EGFR: variants seen among roughly 807,000 people sequenced by gnomAD.
EGFR encodes avian erythroblastic leukemia viral (v-erb-b) oncogene homolog.
A neutral mutation model predicts 143.0 loss-of-function variants in EGFR; 58 were observed. The ratio of observed to expected loss-of-function variants is 0.41; its 90% CI spans 0.33 to 0.50. The LOEUF is 0.50. Ranked by LOEUF, EGFR falls within the 20% of genes least tolerant of loss-of-function variation. EGFR has a pLI of 0.39. For missense variants in EGFR, 1,307 were observed against 1,579.0 expected (o/e 0.83, Z 2.92); for synonymous variants, 613 against 594.4 (o/e 1.03, Z -0.45).
intron 11 of EGFR, among the ~76,000 whole-genome samples, chr7:55,158,850 G>A (rs991888802): frequency 2.0e-5 from 3 of 152,170 alleles, no homozygotes; most frequent in Non-Finnish European, 4.4e-5. Context: ...AATGGTATTG[G>A]TTACAGGCTC....
chr7:55,027,991 AATATATATATATAT>A (rs374300539), intron 1 of EGFR, among the ~76,000 whole-genome samples: 3 of 54,990 alleles, frequency 5.5e-5, no homozygotes, highest in Non-Finnish European at 1.1e-4. Context: ...AAAAAAAAAA[AATATATATATATAT>A]ATATATATAT....
At chr7:55,121,295 G>T (rs1236060971) in intron 1 of EGFR, among the ~76,000 whole-genome samples, 5 of 152,190 alleles carry the variant, frequency 3.3e-5, no homozygotes. Context: ...AGGAAAAGGC[G>T]GCTCTCTTCT....
chr7:55,039,206 A>T (rs1562659875), intron 1 of EGFR, among the ~76,000 whole-genome samples: 1 of 152,246 alleles, frequency 6.6e-6, no homozygotes, highest in African/African-American at 2.4e-5. Context: ...TCAGTTGGTC[A>T]CCTTGCTCAA....
chr7:55,077,164 C>A (rs576256369), intron 1 of EGFR, among the ~76,000 whole-genome samples: 45 of 152,182 alleles, frequency 3.0e-4, no homozygotes, highest in African/African-American at 1.1e-3. Context: ...GATGGTATTT[C>A]GGTCAGATCT....
chr7:55,162,981 G>A (rs947998482), intron 13 of EGFR, among the ~76,000 whole-genome samples: 11 of 152,118 alleles, frequency 7.2e-5, no homozygotes, highest in Non-Finnish European at 1.6e-4. Context: ...TAGTAGAGAC[G>A]GGGTTTCACC....
intron 1 of EGFR, among the ~76,000 whole-genome samples, chr7:55,043,292 C>A (rs1672198288): frequency 6.6e-6 from 1 of 152,124 alleles, no homozygotes; most frequent in African/African-American, 2.4e-5. Context: ...TTTGGAGAAC[C>A]TTTTGGTTGT....
At chr7:55,201,632 C>A (rs892054517) in intron 25 of EGFR, 103 bp from the exon 26 acceptor site, 29 of 1,435,674 alleles carry the variant, frequency 2.0e-5, no homozygotes, top group Non-Finnish European at 2.8e-5. Context: ...AAATTAAACA[C>A]CTTCACAATA....
intron 11 of EGFR, among the ~76,000 whole-genome samples, 180 bp from the exon 12 acceptor site, chr7:55,159,959 G>A (rs1785613883): frequency 6.6e-6 from 1 of 152,214 alleles, no homozygotes; most frequent in Non-Finnish European, 1.5e-5. Context: ...CTTTTGCCTG[G>A]AGGAACTTTA....
chr7:55,022,112 C>A (rs1350664296), intron 1 of EGFR, among the ~76,000 whole-genome samples: 3 of 152,186 alleles, frequency 2.0e-5, no homozygotes, highest in Non-Finnish European at 4.4e-5. Flanking sequence ...TGCCGAGTTC[C>A]TCAGCCCTCT....
At chr7:55,079,394 T>A (rs981991404) in intron 1 of EGFR, among the ~76,000 whole-genome samples, 1 of 152,182 alleles carries the variant, frequency 6.6e-6, no homozygotes, top group Admixed American at 6.5e-5. Context: ...GCTGAAGGTG[T>A]GGTGAGAAGC....
intron 1 of EGFR, among the ~76,000 whole-genome samples, chr7:55,054,957 G>A (rs17172430): frequency 0.16 from 24,500 of 152,136 alleles, 2,511 homozygotes; most frequent in African/African-American, 0.29. Context: ...TCCGTGTGGC[G>A]AGATGCACCC....
chr7:55,049,812 G>A (rs1276475657), intron 1 of EGFR, among the ~76,000 whole-genome samples: 1 of 152,118 alleles, frequency 6.6e-6, no homozygotes, highest in Non-Finnish European at 1.5e-5. Context: ...ATTGCATGGG[G>A]GGCACATTCT....
chr7:55,059,271 G>A (rs1411831782), intron 1 of EGFR, among the ~76,000 whole-genome samples: 1 of 152,194 alleles, frequency 6.6e-6, no homozygotes, highest in Non-Finnish European at 1.5e-5. Context: ...AATAAAGAGT[G>A]AAAGAACTTT....
chr7:55,116,644 C>G (rs750840832), intron 1 of EGFR, among the ~76,000 whole-genome samples: 13 of 152,214 alleles, frequency 8.5e-5, no homozygotes, highest in Non-Finnish European at 1.8e-4. Flanking sequence ...ACCATACCAG[C>G]ACCCTAGAAG....
intron 1 of EGFR, among the ~76,000 whole-genome samples, chr7:55,049,545 A>T (rs376847842): frequency 6.6e-6 from 1 of 151,872 alleles, no homozygotes; most frequent in South Asian, 2.1e-4. Flanking sequence ...ACAGTTGGGG[A>T]TTAGGTGTTC....
intron 1 of EGFR, among the ~76,000 whole-genome samples, chr7:55,082,892 C>G (rs1175054035): frequency 3.3e-5 from 5 of 152,244 alleles, no homozygotes; most frequent in Admixed American, 2.6e-4. Flanking sequence ...CTCTCCCCAG[C>G]CTCTGGTGTT....
chr7:55,072,744 G>A (rs1400409131), intron 1 of EGFR, among the ~76,000 whole-genome samples: 1 of 152,178 alleles, frequency 6.6e-6, no homozygotes, highest in Non-Finnish European at 1.5e-5. Flanking sequence ...TTAACAGTCT[G>A]CTGTTTTGTC....
chr7:55,191,871 C>G lies in EGFR; in HGVS notation c.2622C>G (p.Gly874=). 6.2e-7 allele frequency: 1 copy of G among 1,613,650 alleles called. No homozygotes were observed. Among genetic ancestry groups the G allele is most frequent in the Non-Finnish European group, 8.5e-7 (1 of 1,180,012 alleles). The change falls in exon 21 of 28, where the codon GGC becomes GGG. Residue 874 remains glycine, a synonymous_variant. Coordinates refer to ENST00000275493, the MANE Select transcript of EGFR (RefSeq NM_005228.5). The part of the protein sequence containing the change: ...AEEKEYHAEG[G]KVPIKWMALE... ...AGAAAGAATACCATGCAGAAGGAGG[C>G]AAAGTAAGGAGGTGGCTTTAGGTCA...
At chr7:55,137,782 G>A (rs1464997892) in intron 1 of EGFR, among the ~76,000 whole-genome samples, 1 of 152,226 alleles carries the variant, frequency 6.6e-6, no homozygotes, top group African/African-American at 2.4e-5. Flanking sequence ...AAGCTATTCT[G>A]TAGTGAAAAT....
Sources: allele counts gnomAD v4.1 joint callset (sites outside exome capture counted in the v4.1 genomes callset), GRCh38; gene constraint gnomAD v4.1.1; transcripts MANE v1.5; gene names NCBI Gene and HGNC (gene_info 2026-07-23, HGNC 2026-07-21).